Variants in GPC5 observed in about 807,000 individuals in gnomAD.
GPC5 encodes the protein glypican 5.
Under a neutral mutation model 53.9 loss-of-function variants are expected in GPC5, and 47 were observed. The observed-to-expected ratio is 0.87, with a 90% CI of 0.69 to 1.11. GPC5 has a LOEUF of 1.11. GPC5 is among the 50% of genes most tolerant of loss of function. The probability of loss-of-function intolerance (pLI) is 0.00; values close to 1 mark genes in which losing one functional copy is unlikely to be tolerated. For synonymous variants in GPC5, 286 were observed against 263.3 expected (o/e 1.09, Z -0.84); for missense variants, 748 against 713.1 (o/e 1.05, Z -0.56).
chr13:92,089,366 A>G (rs2041361158), intron 6 of GPC5, among the ~76,000 whole-genome samples: 1 of 152,136 alleles, frequency 6.6e-6, no homozygotes, highest in African/African-American at 2.4e-5. Context: ...CCTGGGAGGC[A>G]GAGCTTGCAG....
At chr13:92,685,568 T>TTTTTAATTTTTTTA in intron 7 of GPC5, among the ~76,000 whole-genome samples, 1 of 143,878 alleles carries the variant, frequency 7.0e-6, no homozygotes, top group Non-Finnish European at 1.5e-5. Flanking sequence ...TAATTTTTTT[T>TTTTTAATTTTTTTA]TTTTTTATTA....
At chr13:91,864,420 T>A (rs2039062509) in intron 5 of GPC5, among the ~76,000 whole-genome samples, 1 of 152,214 alleles carries the variant, frequency 6.6e-6, no homozygotes, top group Non-Finnish European at 1.5e-5. Flanking sequence ...TAATCATTAT[T>A]GTTTTTAAAC....
At chr13:92,418,330 G>A (rs1876406285) in intron 7 of GPC5, among the ~76,000 whole-genome samples, 1 of 150,428 alleles carries the variant, frequency 6.6e-6, no homozygotes, top group Admixed American at 6.7e-5. Context: ...TTTTAACAAA[G>A]CTCTTATATT....
At chr13:92,252,593 G>A (rs545280538) in intron 7 of GPC5, among the ~76,000 whole-genome samples, 2 of 151,848 alleles carry the variant, frequency 1.3e-5, no homozygotes, top group African/African-American at 4.8e-5. Context: ...ACATATCTAG[G>A]CTTATACTTT....
chr13:92,626,018 A>G (rs1397669241), intron 7 of GPC5, among the ~76,000 whole-genome samples: 1 of 152,192 alleles, frequency 6.6e-6, no homozygotes, highest in Non-Finnish European at 1.5e-5. Flanking sequence ...TTTCCATCTC[A>G]TTGCAATGAA....
chr13:92,732,368 A>G (rs966121958), intron 7 of GPC5, among the ~76,000 whole-genome samples: 1 of 151,542 alleles, frequency 6.6e-6, no homozygotes, highest in African/African-American at 2.4e-5. Flanking sequence ...TCCTTTGAAC[A>G]CCAAATATTT....
At chr13:92,762,470 T>C (rs1404318863) in intron 7 of GPC5, among the ~76,000 whole-genome samples, 1 of 152,178 alleles carries the variant, frequency 6.6e-6, no homozygotes, top group African/African-American at 2.4e-5. Flanking sequence ...GATTTTCTTA[T>C]ATGTGACTCG....
chr13:92,106,009 T>A (rs1315900167), intron 6 of GPC5, among the ~76,000 whole-genome samples: 2 of 152,040 alleles, frequency 1.3e-5, no homozygotes, highest in Non-Finnish European at 2.9e-5. Flanking sequence ...AAACTTACAT[T>A]TGTGAAATCT....
chr13:91,586,571 GA>G (rs2032601904), intron 2 of GPC5, among the ~76,000 whole-genome samples: 2 of 109,882 alleles, frequency 1.8e-5, no homozygotes, highest in African/African-American at 8.0e-5. Flanking sequence ...TGTAGAGAGA[GA>G]GAGAGAGAGA....
intron 7 of GPC5, among the ~76,000 whole-genome samples, chr13:92,539,963 T>C (rs1268958903): frequency 6.6e-6 from 1 of 152,010 alleles, no homozygotes. Context: ...GATTCTTTTC[T>C]GAATTTTCTA....
intron 5 of GPC5, among the ~76,000 whole-genome samples, chr13:91,868,139 C>A (rs533010647): frequency 2.0e-5 from 3 of 152,174 alleles, no homozygotes; most frequent in East Asian, 3.9e-4. Context: ...GAAAAAGCAG[C>A]CACTAAGGAA....
rs1470507845 is a variant in GPC5 at position 92,347,867 on chromosome 13, TATATATA to T, written c.1561+202886_1561+202892del. Among the ~76,000 whole-genome samples, 6 of 8,474 alleles carry T rather than the reference TATATATA, an allele frequency of 7.1e-4. 2 individuals are homozygous for T. In the East Asian group the frequency reaches 0.012, roughly 17 times the overall value. 5.6% of individuals were successfully genotyped at this position (8,474 alleles called of 152,430 possible). On this transcript the variant is annotated intron_variant, in intron 7 of 7. Coordinates refer to ENST00000377067, the MANE Select transcript of GPC5 (RefSeq NM_004466.6). ...GGCTGTTTTATACATATATATATTA[TATATATA>T]ATATATATTATATATATTATATATA...
At chr13:92,004,782 G>A (rs1020216837) in intron 6 of GPC5, among the ~76,000 whole-genome samples, 1 of 151,896 alleles carries the variant, frequency 6.6e-6, no homozygotes, top group East Asian at 1.9e-4. Context: ...TAAAAACCAA[G>A]TGAAAAGGGA....
chr13:91,828,347 ATAGGTAGGTAGGTAGGTAGGTAGG>A (rs144877705), intron 5 of GPC5, among the ~76,000 whole-genome samples: 4 of 150,060 alleles, frequency 2.7e-5, no homozygotes, highest in African/African-American at 7.4e-5. Context: ...AGATAGGTAG[ATAGGTAGGTAGGTAGGTAGGTAGG>A]TAGGTAGGTA....
At chr13:91,901,492 G>T (rs1185338299) in intron 5 of GPC5, among the ~76,000 whole-genome samples, 2 of 151,990 alleles carry the variant, frequency 1.3e-5, no homozygotes, top group African/African-American at 4.8e-5. Flanking sequence ...TCAAAGATTA[G>T]GACTTTCAAC....
In GPC5 at chr13:91,658,047, A is replaced by C. The variant is rs141476141; in HGVS notation, c.326-35140A>C. 7.9e-4 allele frequency among the ~76,000 whole-genome samples: 120 copies of C among 152,302 alleles called. 5 individuals are homozygous for C. In the East Asian group the frequency reaches 0.02, roughly 25 times the overall value. ...ACACAAAATACATTTCATTGTCTTC[A>C]AGAATTTCCTCTTTACAAAATATTT... On this transcript the variant is annotated intron_variant, in intron 2 of 7. Coordinates refer to ENST00000377067, the MANE Select transcript of GPC5 (RefSeq NM_004466.6).
chr13:91,565,602 G>C (rs960124419), intron 2 of GPC5, among the ~76,000 whole-genome samples: 1 of 152,188 alleles, frequency 6.6e-6, no homozygotes, highest in African/African-American at 2.4e-5. Flanking sequence ...AAATTAACCA[G>C]ACATGTACTT....
intron 7 of GPC5, among the ~76,000 whole-genome samples, chr13:92,432,835 T>TCTTTTA (rs1029341725): frequency 6.6e-6 from 1 of 152,138 alleles, no homozygotes; most frequent in African/African-American, 2.4e-5. Context: ...GAGTTGGGTT[T>TCTTTTA]CTTTTCCTTT....
intron 6 of GPC5, among the ~76,000 whole-genome samples, chr13:92,137,607 CT>C (rs1388996313): frequency 1.3e-5 from 2 of 152,024 alleles, no homozygotes; most frequent in South Asian, 2.1e-4. Context: ...TAAATATTAC[CT>C]TTTTGTTGTC....
Sources: gnomAD v4.1 joint callset for allele counts (sites outside exome capture counted in the v4.1 genomes callset) on GRCh38, gnomAD v4.1.1 for gene constraint, MANE v1.5 for transcripts, NCBI Gene and HGNC (gene_info 2026-07-23, HGNC 2026-07-21) for gene names.